CSMD1: variants seen among roughly 807,000 people sequenced by gnomAD.
CSMD1 encodes the protein CUB and sushi domain-containing protein 1.
CSMD1 carries 213 observed loss-of-function variants against 417.5 expected under a neutral mutation model. That is an observed-to-expected ratio of 0.51 (90% confidence interval 0.46 to 0.57). The LOEUF is 0.57. Among genes scored for constraint, CSMD1 ranks in the 20% least tolerant of loss-of-function variants. The pLI, the probability that CSMD1 is intolerant of heterozygous loss-of-function variation, is 0.00. For missense variants in CSMD1, 6,923 were observed against 4,529.7 expected (o/e 1.53, Z -15.17); for synonymous variants, 2,862 against 1,736.8 (o/e 1.65, Z -16.11).
At chr8:4,309,549 G>C (rs1467871077) in intron 3 of CSMD1, among the ~76,000 whole-genome samples, 2 of 151,890 alleles carry the variant, frequency 1.3e-5, no homozygotes, top group African/African-American at 4.8e-5. Flanking sequence ...ATAAATCATA[G>C]GCTCACATCA....
At chr8:4,754,251 A>C (rs1388056983) in intron 1 of CSMD1, among the ~76,000 whole-genome samples, 1 of 152,180 alleles carries the variant, frequency 6.6e-6, no homozygotes, top group Non-Finnish European at 1.5e-5. Flanking sequence ...TCAGAGAAGA[A>C]AATAAGATTG....
At chr8:4,088,382 G>C (rs999009817) in intron 3 of CSMD1, among the ~76,000 whole-genome samples, 1 of 152,224 alleles carries the variant, frequency 6.6e-6, no homozygotes, top group Admixed American at 6.5e-5. Flanking sequence ...TTGCGGGAAA[G>C]AGCTTTGTCG....
chr8:3,160,903 T>C (rs912046490), intron 38 of CSMD1, among the ~76,000 whole-genome samples: 5 of 152,214 alleles, frequency 3.3e-5, no homozygotes, highest in Admixed American at 2.6e-4. Flanking sequence ...GATTCACTGC[T>C]ACACAATATT....
intron 3 of CSMD1, among the ~76,000 whole-genome samples, chr8:4,405,531 T>C (rs912597476): frequency 1.3e-5 from 2 of 152,146 alleles, no homozygotes; most frequent in Non-Finnish European, 2.9e-5. Context: ...CAAAAAATTA[T>C]AGTAAGTGCC....
At chr8:4,129,347 T>C (rs112241192) in intron 3 of CSMD1, among the ~76,000 whole-genome samples, 4 of 152,256 alleles carry the variant, frequency 2.6e-5, no homozygotes, top group African/African-American at 9.6e-5. Flanking sequence ...TTTTGAACCT[T>C]CTTGAATGCA....
chr8:4,157,572 G>A (rs1188759158), intron 3 of CSMD1, among the ~76,000 whole-genome samples: 1 of 152,080 alleles, frequency 6.6e-6, no homozygotes, highest in Non-Finnish European at 1.5e-5. Flanking sequence ...CCCCCGTATT[G>A]CTAAGACCCT....
chr8:4,280,074 G>T (rs977164242), intron 3 of CSMD1, among the ~76,000 whole-genome samples: 18 of 152,188 alleles, frequency 1.2e-4, no homozygotes, highest in African/African-American at 4.1e-4. Flanking sequence ...TAACTAACGC[G>T]TTGAAAATAA....
At chr8:3,730,215 G>A (rs950976782) in intron 6 of CSMD1, among the ~76,000 whole-genome samples, 2 of 152,080 alleles carry the variant, frequency 1.3e-5, no homozygotes, top group African/African-American at 2.4e-5. Flanking sequence ...GAGGCTTCCA[G>A]TTTGATTCCC....
intron 5 of CSMD1, among the ~76,000 whole-genome samples, chr8:3,781,688 C>G (rs1178944575): frequency 6.6e-6 from 1 of 152,146 alleles, no homozygotes; most frequent in Non-Finnish European, 1.5e-5. Flanking sequence ...ATCCTGGACT[C>G]CAGCCTACGG....
intron 5 of CSMD1, among the ~76,000 whole-genome samples, chr8:3,958,889 C>G (rs919829563): frequency 1.3e-5 from 2 of 152,190 alleles, no homozygotes; most frequent in African/African-American, 4.8e-5. Context: ...AACAGATATT[C>G]AGTGAACGTG....
intron 3 of CSMD1, among the ~76,000 whole-genome samples, chr8:4,240,335 C>G (rs1448382918): frequency 1.3e-5 from 2 of 152,314 alleles, no homozygotes; most frequent in African/African-American, 2.4e-5. Context: ...GTTGCTGCAT[C>G]TTTGCTAAAA....
chr8:4,942,506 AT>A (rs1808076048), intron 1 of CSMD1, among the ~76,000 whole-genome samples: 1 of 152,166 alleles, frequency 6.6e-6, no homozygotes, highest in African/African-American at 2.4e-5. Context: ...TGTTAAATTC[AT>A]TTTTTCAAAA....
chr8:4,662,419 G>C (rs1412634488), intron 1 of CSMD1, among the ~76,000 whole-genome samples: 1 of 152,124 alleles, frequency 6.6e-6, no homozygotes, highest in Non-Finnish European at 1.5e-5. Context: ...AGACCACATT[G>C]ACACGCTTTT....
chr8:4,251,074 T>C (rs1803036366), intron 3 of CSMD1, among the ~76,000 whole-genome samples: 1 of 152,180 alleles, frequency 6.6e-6, no homozygotes, highest in Non-Finnish European at 1.5e-5. Flanking sequence ...GCTTGTGAAA[T>C]GTTGTAGTCA....
chr8:3,857,679 C>T (rs1397515233), intron 5 of CSMD1, among the ~76,000 whole-genome samples: 2 of 152,164 alleles, frequency 1.3e-5, no homozygotes, highest in Non-Finnish European at 2.9e-5. Flanking sequence ...TAATACACTT[C>T]TTAGATTCTT....
intron 4 of CSMD1, among the ~76,000 whole-genome samples, chr8:4,000,275 C>G (rs888624646): frequency 6.6e-6 from 1 of 152,088 alleles, no homozygotes; most frequent in African/African-American, 2.4e-5. Context: ...CACACACTTC[C>G]CTGGTCAACT....
chr8:3,030,883 T>C (rs755293186), intron 50 of CSMD1, among the ~76,000 whole-genome samples: 11 of 152,042 alleles, frequency 7.2e-5, no homozygotes, highest in Non-Finnish European at 1.2e-4. Context: ...TTCCAAGTAC[T>C]ATATAAAAAT....
At chr8:4,670,937 T>C (rs1805280228) in intron 1 of CSMD1, among the ~76,000 whole-genome samples, 2 of 152,230 alleles carry the variant, frequency 1.3e-5, no homozygotes, top group Non-Finnish European at 1.5e-5. Context: ...TGAGCAGTCA[T>C]ATAACAAACA....
rs868703428 is a variant in CSMD1 at position 4,456,190 on chromosome 8, T to C, written c.303-36125A>G. ...TTTTGGAAAAAGCATGACACAAACT[T>C]TATTACAGGTTTTTAAAGCTTGGGC... On this transcript the variant is annotated intron_variant, in intron 2 of 69. Coordinates refer to ENST00000635120, the MANE Select transcript of CSMD1 (RefSeq NM_033225.6). 3.3e-5 allele frequency among the ~76,000 whole-genome samples: 5 copies of C among 152,076 alleles called. No individual in the cohort carries two copies. In the Middle Eastern group the frequency reaches 0.01, roughly 310 times the overall value.
Sources: gnomAD v4.1 joint callset for allele counts (sites outside exome capture counted in the v4.1 genomes callset) on GRCh38, gnomAD v4.1.1 for gene constraint, MANE v1.5 for transcripts, NCBI Gene and HGNC (gene_info 2026-07-23, HGNC 2026-07-21) for gene names.